The following KCNB2 variants were observed in gnomAD, a reference collection of about 807,000 sequenced individuals.
KCNB2 encodes potassium voltage-gated channel subfamily B member 2, also known as delayed rectifier potassium channel protein.
In KCNB2, 15 loss-of-function variants were observed where a neutral mutation model predicts 61.5. The ratio of observed to expected loss-of-function variants is 0.24; its 90% confidence interval spans 0.16 to 0.38. KCNB2 has a LOEUF of 0.38. KCNB2 is among the 10% of genes least tolerant of loss of function. The pLI, the probability that KCNB2 is intolerant of heterozygous loss-of-function variation, is 1.00. For synonymous variants in KCNB2, 457 were observed against 446.0 expected, an observed-to-expected ratio of 1.02 and a Z score of -0.31; for missense variants, 828 against 1,125.2, an observed-to-expected ratio of 0.74 and a Z score of 3.78.
intron 2 of KCNB2, among the ~76,000 whole-genome samples, chr8:72,609,506 T>C (rs1044866513): frequency 6.6e-6 from 1 of 152,230 alleles, no homozygotes; most frequent in African/African-American, 2.4e-5. Flanking sequence ...CACTAGAGTT[T>C]ATAATTTTCA....
chr8:72,838,279 G>A (rs146148633), intron 2 of KCNB2, among the ~76,000 whole-genome samples: 17 of 152,092 alleles, frequency 1.1e-4, no homozygotes, highest in East Asian at 9.7e-4. Context: ...CCCACCAGCC[G>A]ACAGGCCCTG....
chr8:72,926,922 T>G (rs1290092880), intron 2 of KCNB2, among the ~76,000 whole-genome samples: 1 of 152,252 alleles, frequency 6.6e-6, no homozygotes, highest in East Asian at 1.9e-4. Flanking sequence ...AGCATAGCTT[T>G]GCCTTGCCTG....
At chr8:72,755,791 T>C (rs1808279762) in intron 2 of KCNB2, among the ~76,000 whole-genome samples, 1 of 152,172 alleles carries the variant, frequency 6.6e-6, no homozygotes, top group Non-Finnish European at 1.5e-5. Context: ...CAAGAGAAAC[T>C]TTCCATTCTT....
intron 2 of KCNB2, among the ~76,000 whole-genome samples, chr8:72,847,147 A>G (rs982142485): frequency 1.3e-5 from 2 of 152,190 alleles, no homozygotes; most frequent in Admixed American, 1.3e-4. Flanking sequence ...AGCTGTTCCT[A>G]TTCAGCCACC....
chr8:72,883,306 C>T (rs1270552139), intron 2 of KCNB2, among the ~76,000 whole-genome samples: 3 of 152,204 alleles, frequency 2.0e-5, no homozygotes, highest in African/African-American at 7.2e-5. Context: ...CAACAAGCAT[C>T]TTATCCCGGC....
chr8:72,685,440 G>A (rs1390203637), intron 2 of KCNB2, among the ~76,000 whole-genome samples: 1 of 152,052 alleles, frequency 6.6e-6, no homozygotes, highest in Admixed American at 6.6e-5. Flanking sequence ...GTACCATGTT[G>A]AATCGTACCA....
intron 2 of KCNB2, among the ~76,000 whole-genome samples, chr8:72,906,948 G>T (rs1465837250): frequency 6.6e-6 from 1 of 152,166 alleles, no homozygotes; most frequent in South Asian, 2.1e-4. Flanking sequence ...ATGTTTATTT[G>T]CTTGGAAGTA....
intron 2 of KCNB2, among the ~76,000 whole-genome samples, chr8:72,721,379 A>G (rs1406163229): frequency 6.6e-6 from 1 of 152,256 alleles, no homozygotes; most frequent in East Asian, 1.9e-4. Flanking sequence ...TAGAAGCGTC[A>G]TGAGGACAAA....
chr8:72,667,352 T>G (rs1477849515), intron 2 of KCNB2, among the ~76,000 whole-genome samples: 1 of 152,222 alleles, frequency 6.6e-6, no homozygotes, highest in Non-Finnish European at 1.5e-5. Context: ...TTAAGTATTA[T>G]TCATCTGTCC....
chr8:72,697,057 C>T (rs1213968264), intron 2 of KCNB2, among the ~76,000 whole-genome samples: 1 of 152,162 alleles, frequency 6.6e-6, no homozygotes, highest in Non-Finnish European at 1.5e-5. Context: ...ATCACTACTG[C>T]CTTATTGTTG....
intron 2 of KCNB2, among the ~76,000 whole-genome samples, chr8:72,786,783 A>G (rs1471490540): frequency 6.6e-6 from 1 of 152,210 alleles, no homozygotes; most frequent in African/African-American, 2.4e-5. Flanking sequence ...AACAGTCTTT[A>G]AAGGCACTGT....
chr8:72,764,675 A>G (rs1443927418), intron 2 of KCNB2, among the ~76,000 whole-genome samples: 1 of 152,160 alleles, frequency 6.6e-6, no homozygotes, highest in African/African-American at 2.4e-5. Flanking sequence ...CCATTTGCCT[A>G]TGTTCTTTCT....
At chr8:72,547,721 G>T (rs1806280082) in intron 1 of KCNB2, among the ~76,000 whole-genome samples, 1 of 152,196 alleles carries the variant, frequency 6.6e-6, no homozygotes, top group African/African-American at 2.4e-5. Flanking sequence ...TTCTTCAGAT[G>T]AAATTTACTC....
rs930564076 is a variant in KCNB2 at position 72,674,714 on chromosome 8, G to A, written c.579+106401G>A. Among the ~76,000 whole-genome samples the A allele has an allele frequency of 2.0e-5, 3 of 152,100 alleles. 1 individual carries two copies. The highest frequency in any genetic ancestry group is 4.8e-5 in the African/African-American group (2 of 41,434). ...TAAGTATTTAATATATGTTTTGCAT[G>A]GAAGGAAGAAACACTAACTTCTGAC... is the stretch of plus-strand genomic sequence containing the variant. On this transcript the variant is annotated intron_variant, in intron 2 of 2. Coordinates refer to ENST00000523207, the MANE Select transcript of KCNB2 (RefSeq NM_004770.3).
intron 2 of KCNB2, among the ~76,000 whole-genome samples, chr8:72,926,497 A>G (rs530328483): frequency 1.3e-5 from 2 of 152,174 alleles, no homozygotes; most frequent in South Asian, 2.1e-4. Context: ...TGTTTGTTCC[A>G]TAGGTAAACG....
At chr8:72,607,561 T>C (rs1805471076) in intron 2 of KCNB2, among the ~76,000 whole-genome samples, 1 of 152,208 alleles carries the variant, frequency 6.6e-6, no homozygotes, top group Admixed American at 6.5e-5. Flanking sequence ...ATAATGAGGA[T>C]AAAACATGTA....
chr8:72,633,906 TA>T (rs952759432), intron 2 of KCNB2, among the ~76,000 whole-genome samples: 6 of 150,934 alleles, frequency 4.0e-5, no homozygotes, highest in South Asian at 2.1e-4. Context: ...GCTGCAGCCA[TA>T]AAAAAAAAGG....
rs767935574 is a variant in KCNB2, at chr8:72,567,726, C to T, written c.-9C>T. 65 of 1,537,534 alleles carry T rather than the reference C, an allele frequency of 4.2e-5. No homozygotes were observed. The highest frequency in any genetic ancestry group is 5.4e-5 in the Non-Finnish European group (62 of 1,144,934). On this transcript the variant is annotated 5_prime_UTR_variant, in exon 2 of 3. Transcript: ENST00000523207. ...AGGACCCTGGCTCTGCGGCTTTGTCCAGTTCAAAATGGCAGAAAAGGCTCC... is the reference window on the plus strand; with the variant it reads ...AGGACCCTGGCTCTGCGGCTTTGTCTAGTTCAAAATGGCAGAAAAGGCTCC...
At chr8:72,818,493 G>A (rs563338109) in intron 2 of KCNB2, among the ~76,000 whole-genome samples, 14 of 152,236 alleles carry the variant, frequency 9.2e-5, no homozygotes, top group South Asian at 4.1e-4. Flanking sequence ...ATGCACAGTC[G>A]TACCTCCTTC....
Sources: allele counts gnomAD v4.1 joint callset (sites outside exome capture counted in the v4.1 genomes callset), GRCh38; gene constraint gnomAD v4.1.1; transcripts MANE v1.5; gene names NCBI Gene and HGNC (gene_info 2026-07-23, HGNC 2026-07-21).